SUPT3H: variants seen among roughly 807,000 people sequenced by gnomAD.
SUPT3H encodes SPT3 homolog, SAGA and STAGA complex component.
In SUPT3H, 44 loss-of-function variants were observed where a neutral mutation model predicts 44.3. That is an observed-to-expected ratio of 0.99 (90% confidence interval 0.78 to 1.28). SUPT3H has a LOEUF of 1.28. SUPT3H is among the 50% of genes most tolerant of loss of function. The pLI is 0.00. For missense variants in SUPT3H, 380 were observed against 387.1 expected, an observed-to-expected ratio of 0.98 and a Z score of 0.15; for synonymous variants, 124 against 125.6, an observed-to-expected ratio of 0.99 and a Z score of 0.09.
At chr6:45,340,552 G>A (rs1031419642) in intron 2 of SUPT3H, among the ~76,000 whole-genome samples, 7 of 152,014 alleles carry the variant, frequency 4.6e-5, no homozygotes, top group African/African-American at 1.2e-4. Context: ...TCGAACTACT[G>A]GGCTCAAGCG....
Position 45,195,877 on chromosome 6 carries a change from C to T in SUPT3H, c.102-89871G>A, listed in dbSNP as rs192017668. Among the ~76,000 whole-genome samples the T allele has an allele frequency of 4.4e-3, 676 of 152,138 alleles. 5 individuals carry two copies. Among genetic ancestry groups the T allele is most frequent in the African/African-American group, 0.016 (649 of 41,532 alleles). ...TCTCACTGAGGTCGGTAGTTACAAA[C>T]TTTCTGATCCCGGGCAAGTTACTTA... On this transcript the variant is annotated intron_variant, in intron 2 of 10. Transcript: ENST00000371459.
chr6:45,362,984 T>TA (rs1794525107), intron 2 of SUPT3H, among the ~76,000 whole-genome samples: 1 of 152,102 alleles, frequency 6.6e-6, no homozygotes, highest in Non-Finnish European at 1.5e-5. Flanking sequence ...TTTAATATTT[T>TA]ATTTTTAATT....
At chr6:45,013,887 T>G (rs1239003591) in intron 5 of SUPT3H, among the ~76,000 whole-genome samples, 1 of 152,092 alleles carries the variant, frequency 6.6e-6, no homozygotes, top group African/African-American at 2.4e-5. Context: ...AGTGATCATG[T>G]GAGCAGGTCA....
At chr6:45,219,232 G>GTT (rs1467367474) in intron 2 of SUPT3H, among the ~76,000 whole-genome samples, 3 of 152,016 alleles carry the variant, frequency 2.0e-5, no homozygotes, top group African/African-American at 7.2e-5. Flanking sequence ...TAGATGGAAG[G>GTT]AAATCATAAA....
rs181462003 is a variant in SUPT3H, at chr6:44,893,029, C to G, written c.912+39624G>C. On this transcript the variant is annotated intron_variant, in intron 10 of 10. Transcript: ENST00000371459. ...CAAATACAAAATGTATGTAGGAATACAAAAATACAAAACAATATATACAAA... is the reference window on the plus strand; with the variant it reads ...CAAATACAAAATGTATGTAGGAATAGAAAAATACAAAACAATATATACAAA... 2.0e-5 allele frequency among the ~76,000 whole-genome samples: 3 copies of G among 151,902 alleles called. No homozygotes were observed. In the East Asian group the frequency reaches 5.8e-4, roughly 29 times the overall value.
At chr6:44,885,323 T>A (rs1011185391) in intron 10 of SUPT3H, among the ~76,000 whole-genome samples, 3 of 152,012 alleles carry the variant, frequency 2.0e-5, no homozygotes, top group Middle Eastern at 3.4e-3. Context: ...CTCAAGTGGG[T>A]CCCTGACACC....
At chr6:45,340,667 G>A (rs1789595116) in intron 2 of SUPT3H, among the ~76,000 whole-genome samples, 1 of 151,940 alleles carries the variant, frequency 6.6e-6, no homozygotes, top group South Asian at 2.1e-4. Flanking sequence ...CAAGGAATTA[G>A]ATAATTCTTA....
intron 10 of SUPT3H, among the ~76,000 whole-genome samples, chr6:44,886,519 G>A (rs1161778777): frequency 1.3e-5 from 2 of 152,142 alleles, no homozygotes; most frequent in Non-Finnish European, 2.9e-5. Context: ...GCCAAACTAA[G>A]CTTCAGAAGT....
In SUPT3H at chr6:44,904,376, C is replaced by A. The variant is rs192152725; in HGVS notation, c.912+28277G>T. On this transcript the variant is annotated intron_variant, in intron 10 of 10. Transcript: ENST00000371459. ...CACAAGCATTCTTATACACCAATAA[C>A]AGACAAACAGAGAGCCAAATCATGA... 5.5e-4 allele frequency among the ~76,000 whole-genome samples: 84 copies of A among 152,200 alleles called. No individual in the cohort carries two copies. The Middle Eastern group carries it at 0.01, about 18-fold the overall frequency.
At chr6:45,276,897 A>C (rs1386649532) in intron 2 of SUPT3H, among the ~76,000 whole-genome samples, 1 of 152,204 alleles carries the variant, frequency 6.6e-6, no homozygotes, top group African/African-American at 2.4e-5. Context: ...AACTGATACA[A>C]GATACTTAAC....
At chr6:45,179,229 A>G (rs1287303815) in intron 2 of SUPT3H, among the ~76,000 whole-genome samples, 2 of 152,214 alleles carry the variant, frequency 1.3e-5, no homozygotes, top group Admixed American at 6.5e-5. Context: ...AAATTGTGTA[A>G]TAATCAATAG....
chr6:45,030,767 T>A (rs1239226148), intron 3 of SUPT3H, among the ~76,000 whole-genome samples: 1 of 152,172 alleles, frequency 6.6e-6, no homozygotes, highest in East Asian at 1.9e-4. Flanking sequence ...TTACCCTTGT[T>A]TTGGCAAAAG....
intron 2 of SUPT3H, among the ~76,000 whole-genome samples, chr6:45,203,221 T>C (rs912525131): frequency 5.9e-5 from 9 of 152,032 alleles, no homozygotes; most frequent in Admixed American, 3.9e-4. Context: ...AAAGACAACA[T>C]GCAAAACAAC....
chr6:45,292,542 T>C (rs1222225210), intron 2 of SUPT3H, among the ~76,000 whole-genome samples: 2 of 151,792 alleles, frequency 1.3e-5, no homozygotes, highest in South Asian at 2.1e-4. Context: ...AAATGCAGAA[T>C]GGATACGTAT....
rs1356045326 is a variant in SUPT3H at position 44,828,062 on chromosome 6, T to C, written c.*1754A>G. Among the ~76,000 whole-genome samples, 1 of 152,136 alleles carries C rather than the reference T, an allele frequency of 6.6e-6. No homozygotes were observed. Among genetic ancestry groups the C allele is most frequent in the Non-Finnish European group, 1.5e-5 (1 of 67,984 alleles). On this transcript the variant is annotated 3_prime_UTR_variant, in exon 11 of 11. Coordinates refer to ENST00000371459, the MANE Select transcript of SUPT3H (RefSeq NM_003599.4). ...AACCCTATATTTTCTGCCTTGTGCA[T>C]ACTTTAAAATGTATAATGTGGGAGA...
chr6:45,130,851 G>A (rs555313311), intron 2 of SUPT3H, among the ~76,000 whole-genome samples: 6 of 151,510 alleles, frequency 4.0e-5, no homozygotes, highest in Non-Finnish European at 7.4e-5. Context: ...CCAAGTAGCT[G>A]GGATTACAGG....
intron 10 of SUPT3H, among the ~76,000 whole-genome samples, chr6:44,911,654 A>C (rs1767068059): frequency 1.3e-5 from 2 of 152,204 alleles, no homozygotes; most frequent in Non-Finnish European, 2.9e-5. Flanking sequence ...TCACAATTCT[A>C]ATGTCTACTA....
chr6:45,290,279 T>C (rs1780102154), intron 2 of SUPT3H, among the ~76,000 whole-genome samples: 1 of 152,200 alleles, frequency 6.6e-6, no homozygotes, highest in Admixed American at 6.5e-5. Context: ...TGCTTTTATT[T>C]GTGAACAAAA....
intron 10 of SUPT3H, among the ~76,000 whole-genome samples, chr6:44,843,937 A>G (rs1048056523): frequency 3.8e-4 from 56 of 147,736 alleles, no homozygotes; most frequent in South Asian, 2.5e-3. Context: ...GCACACACAC[A>G]CACACACACA....
Sources: gnomAD v4.1 joint callset for allele counts (sites outside exome capture counted in the v4.1 genomes callset) on GRCh38, gnomAD v4.1.1 for gene constraint, MANE v1.5 for transcripts, NCBI Gene and HGNC (gene_info 2026-07-23, HGNC 2026-07-21) for gene names.